The following PCDHGB6 variants were observed in gnomAD, a reference collection of about 807,000 sequenced individuals.
PCDHGB6 encodes the protein protocadherin gamma subfamily B, 6.
A neutral mutation model predicts 59.1 loss-of-function variants in PCDHGB6; 51 were observed. The observed-to-expected ratio is 0.86, with a 90% CI of 0.69 to 1.09. The LOEUF (loss-of-function observed/expected upper bound fraction) is 1.09. Ranked by LOEUF, PCDHGB6 falls within the 50% of genes least tolerant of loss-of-function variation. PCDHGB6 has a pLI of 0.00. For missense variants in PCDHGB6, 1,148 were observed against 1,205.1 expected (o/e 0.95, Z 0.70); for synonymous variants, 466 against 495.1 (o/e 0.94, Z 0.78).
At chr5:141,446,401 T>C (rs1321106896) in intron 1 of PCDHGB6, among the ~76,000 whole-genome samples, 1 of 152,166 alleles carries the variant, frequency 6.6e-6, no homozygotes, top group African/African-American at 2.4e-5. Context: ...AGAAATCGAG[T>C]TGAGTTCCAG....
chr5:141,497,100 T>A (rs886445893), intron 2 of PCDHGB6, among the ~76,000 whole-genome samples: 2 of 151,774 alleles, frequency 1.3e-5, no homozygotes, highest in Non-Finnish European at 2.9e-5. Context: ...GAGGCAGAAC[T>A]GCTTGAACCC....
chr5:141,419,923 G>A, intron 1 of PCDHGB6: 4 of 1,614,088 alleles, frequency 2.5e-6, no homozygotes, highest in Non-Finnish European at 3.4e-6. Flanking sequence ...AGGCTGAGAT[G>A]CAGTTTTACC....
In PCDHGB6 at chr5:141,494,027, G is replaced by A. The variant is rs77020157; in HGVS notation, c.2419-780G>A. 1.5e-4 allele frequency among the ~76,000 whole-genome samples: 23 copies of A among 152,298 alleles called. No homozygotes were observed. In the East Asian group the frequency reaches 3.3e-3, roughly 22 times the overall value. ...ACACATCAGCCCCTTGGGAGCCCTGGAGACTTAGTTGGCCCTGCTTGGAGG... is the reference window on the plus strand; with the variant it reads ...ACACATCAGCCCCTTGGGAGCCCTGAAGACTTAGTTGGCCCTGCTTGGAGG... On this transcript the variant is annotated intron_variant, in intron 1 of 3. Coordinates refer to ENST00000520790, the MANE Select transcript of PCDHGB6 (RefSeq NM_018926.3).
chr5:141,504,728 G>A (rs978910481), intron 2 of PCDHGB6, among the ~76,000 whole-genome samples: 5 of 151,522 alleles, frequency 3.3e-5, no homozygotes, highest in African/African-American at 9.7e-5. Context: ...TACTCTGAGG[G>A]CTTAGGAAGC....
chr5:141,450,702 G>T (rs1466981422), intron 1 of PCDHGB6, among the ~76,000 whole-genome samples: 6 of 152,026 alleles, frequency 3.9e-5, no homozygotes, highest in South Asian at 2.1e-4. Flanking sequence ...GCCCAGGATG[G>T]TCTCCAACTC....
At chr5:141,433,044 A>T in intron 1 of PCDHGB6, 2 of 1,613,972 alleles carry the variant, frequency 1.2e-6, no homozygotes, top group Non-Finnish European at 8.5e-7. Flanking sequence ...CTCACCACGG[A>T]CTCGCGGAAG....
chr5:141,440,883 T>C (rs1435173649), intron 1 of PCDHGB6: 4 of 152,178 alleles, frequency 2.6e-5, no homozygotes, highest in Non-Finnish European at 5.9e-5. Flanking sequence ...AGCGTCGGCC[T>C]TCAGGAAGAT....
intron 2 of PCDHGB6, among the ~76,000 whole-genome samples, chr5:141,496,888 TAA>T (rs35063790): frequency 6.7e-5 from 9 of 134,018 alleles, no homozygotes; most frequent in Non-Finnish European, 4.9e-5. Flanking sequence ...AAGTAACACT[TAA>T]AAAAAAAAAA....
Position 141,420,431 on chromosome 5 carries a change from A to G in PCDHGB6, c.2418+9811A>G, listed in dbSNP as rs183252328. 8.4e-5 allele frequency: 96 copies of G among 1,148,758 alleles called. No individual in the cohort carries two copies. In the African/African-American group the frequency reaches 1.3e-3, roughly 16 times the overall value. The allele number at this position is 1,148,758 out of a possible 1,614,324, so 71.2% of individuals were successfully genotyped here. Reference sequence around the variant, plus strand: ...TATCATTATTAAAACAAAAGTTTAAATTAAATGCCTCAGTCTTCCTACTAT... The same window carrying G: ...TATCATTATTAAAACAAAAGTTTAAGTTAAATGCCTCAGTCTTCCTACTAT... On this transcript the variant is annotated intron_variant, in intron 1 of 3. Transcript: ENST00000520790.
rs17097297 is a variant in PCDHGB6 at position 141,426,366 on chromosome 5, G to C, written c.2418+15746G>C. 737 of 204,832 alleles carry C rather than the reference G, an allele frequency of 3.6e-3. 4 individuals are homozygous for C. The highest frequency in any genetic ancestry group is 0.015 in the African/African-American group (666 of 43,954). 12.7% of individuals were successfully genotyped at this position (204,832 alleles called of 1,614,324 possible). Reference sequence around the variant, plus strand: ...CTTTCCTGCTGCCTTTGTTCTGCGGGGCACCCTCGGAGCAGATCCGCTACT... The same window carrying C: ...CTTTCCTGCTGCCTTTGTTCTGCGGCGCACCCTCGGAGCAGATCCGCTACT... On this transcript the variant is annotated intron_variant, in intron 1 of 3. Transcript: ENST00000520790.
intron 1 of PCDHGB6, among the ~76,000 whole-genome samples, chr5:141,434,409 T>G (rs2097692930): frequency 6.6e-6 from 1 of 152,232 alleles, no homozygotes; most frequent in South Asian, 2.1e-4. Context: ...TCTGCAGCAC[T>G]GTGACATGTT....
chr5:141,458,409 G>C (rs188300064), intron 1 of PCDHGB6, among the ~76,000 whole-genome samples: 1 of 152,244 alleles, frequency 6.6e-6, no homozygotes, highest in African/African-American at 2.4e-5. Context: ...GAGACGGAGC[G>C]GGGGTTCCAA....
intron 1 of PCDHGB6, among the ~76,000 whole-genome samples, chr5:141,433,449 T>C (rs2097611087): frequency 6.6e-6 from 1 of 152,068 alleles, no homozygotes; most frequent in Non-Finnish European, 1.5e-5. Context: ...TTGAGCAGGC[T>C]GATCTGAAAC....
chr5:141,414,253 G>A (rs768166537), intron 1 of PCDHGB6: 1 of 1,613,492 alleles, frequency 6.2e-7, no homozygotes, highest in Non-Finnish European at 8.5e-7. Flanking sequence ...ATTTAGTCCA[G>A]TGACTGAAGA....
At chr5:141,425,214 A>G (rs999893857) in intron 1 of PCDHGB6, among the ~76,000 whole-genome samples, 2 of 152,178 alleles carry the variant, frequency 1.3e-5, no homozygotes, top group Non-Finnish European at 2.9e-5. Context: ...AAGGCATTGT[A>G]CTTTGACTGG....
rs2233613 is a variant in PCDHGB6 at position 141,511,203 on chromosome 5, G to A, written c.*30G>A. 0.14 allele frequency: 222,603 copies of A among 1,611,360 alleles called. 15,640 individuals carry two copies. The highest frequency in any genetic ancestry group is 0.18 in the Admixed American group (10,873 of 59,374). ...GAGGCCAGGCCAAGAGCCACAGGGC[G>A]GCCTCTCCCCAACCAGCCCAGCTTC... On this transcript the variant is annotated 3_prime_UTR_variant, in exon 4 of 4. Transcript: ENST00000520790.
At chr5:141,454,970 G>A (rs2098808431) in intron 1 of PCDHGB6, among the ~76,000 whole-genome samples, 2 of 151,444 alleles carry the variant, frequency 1.3e-5, no homozygotes, top group African/African-American at 4.9e-5. Context: ...ACCACGCCTG[G>A]CTAATTTTTT....
Position 141,432,587 on chromosome 5 carries a change from A to C in PCDHGB6, c.2418+21967A>C. ...CGCCTGGCTGTCCTACCGTCTGCTC[A>C]AGGCCAGCGAGCCGGGACTCTTCTC... On this transcript the variant is annotated intron_variant, in intron 1 of 3. Transcript: ENST00000520790. This position sits in a 1 kb window ranked among gnomAD's most constrained non-coding sequence, Gnocchi z 6.0. 1.9e-6 allele frequency: 3 copies of C among 1,613,250 alleles called. No individual in the cohort carries two copies. Among genetic ancestry groups the C allele is most frequent in the Non-Finnish European group, 2.5e-6 (3 of 1,179,918 alleles).
At chr5:141,433,085 G>A in intron 1 of PCDHGB6, 1 of 1,614,170 alleles carries the variant, frequency 6.2e-7, no homozygotes, top group Non-Finnish European at 8.5e-7. Flanking sequence ...GCCCAACTAT[G>A]CAGACATGCT....
Sources: allele counts gnomAD v4.1 joint callset (sites outside exome capture counted in the v4.1 genomes callset), GRCh38; gene constraint gnomAD v4.1.1; non-coding constraint Gnocchi (gnomAD v3.1); transcripts MANE v1.5; gene names NCBI Gene and HGNC (gene_info 2026-07-23, HGNC 2026-07-21).